The following REDIC1 variants were observed in gnomAD, a reference collection of about 807,000 sequenced individuals.
The protein encoded by REDIC1 is regulator of DNA class I crossover intermediates 1.
chr12:39,877,001 A>G, the REDIC1 span, among the ~76,000 whole-genome samples: 1 of 152,134 alleles, frequency 6.6e-6, no homozygotes, highest in Non-Finnish European at 1.5e-5. Flanking sequence ...TAGTGCTATA[A>G]ATATATATAT....
chr12:39,887,473 AAAG>A, the REDIC1 span, among the ~76,000 whole-genome samples: 1 of 152,184 alleles, frequency 6.6e-6, no homozygotes, highest in Admixed American at 6.5e-5. Flanking sequence ...GGAATGTAAA[AAAG>A]GGACTTTTCA....
chr12:39,825,272 A>G, the REDIC1 span, among the ~76,000 whole-genome samples: 1 of 152,106 alleles, frequency 6.6e-6, no homozygotes, highest in East Asian at 1.9e-4. Flanking sequence ...ATATATGGAG[A>G]GTCAGGAGGT....
At chr12:39,721,126 A>G in the REDIC1 span, 2 of 1,613,620 alleles carry the variant, frequency 1.2e-6, no homozygotes, top group African/African-American at 2.7e-5. Flanking sequence ...AGATGTTGCC[A>G]TACAGTGTGA....
the REDIC1 span, chr12:39,684,006 C>A: frequency 2.8e-6 from 1 of 357,442 alleles, no homozygotes; most frequent in Non-Finnish European, 3.9e-6. Flanking sequence ...CTTCTCATTG[C>A]CAACATTTAC....
At chr12:39,815,799 T>A in the REDIC1 span, among the ~76,000 whole-genome samples, 4 of 152,320 alleles carry the variant, frequency 2.6e-5, no homozygotes, top group South Asian at 8.3e-4. Flanking sequence ...CAAATAAATG[T>A]TGTTTTAGTT....
At chr12:39,656,320 G>T in the REDIC1 span, among the ~76,000 whole-genome samples, 1 of 152,094 alleles carries the variant, frequency 6.6e-6, no homozygotes. Context: ...TATGATGGTG[G>T]TCCCATAATA....
the REDIC1 span, among the ~76,000 whole-genome samples, chr12:39,900,128 C>T: frequency 0.015 from 2,225 of 148,498 alleles, 62 homozygotes; most frequent in African/African-American, 0.05. Flanking sequence ...AGGCCTTTGA[C>T]CAAATTCAAC....
the REDIC1 span, among the ~76,000 whole-genome samples, chr12:39,740,241 TG>T: frequency 2.6e-5 from 4 of 152,164 alleles, no homozygotes; most frequent in Non-Finnish European, 2.9e-5. Context: ...GCTTTAGAGT[TG>T]GGGGGAGTAG....
chr12:39,754,962 T>TATCA, the REDIC1 span: 9 of 152,268 alleles, frequency 5.9e-5, no homozygotes, highest in South Asian at 1.5e-3. Context: ...ATGCTTTAAC[T>TATCA]ATCATCTAAC....
chr12:39,851,545 G>T, the REDIC1 span, among the ~76,000 whole-genome samples: 1 of 152,124 alleles, frequency 6.6e-6, no homozygotes, highest in African/African-American at 2.4e-5. Context: ...AAAAATGTTT[G>T]GTCTAGGCTA....
chr12:39,883,719 AT>A, the REDIC1 span, among the ~76,000 whole-genome samples: 1 of 152,202 alleles, frequency 6.6e-6, no homozygotes, highest in Non-Finnish European at 1.5e-5. Flanking sequence ...TTCATTCTAT[AT>A]AAAAGCAACA....
chr12:39,853,702 C>A, the REDIC1 span, among the ~76,000 whole-genome samples: 1 of 151,612 alleles, frequency 6.6e-6, no homozygotes, highest in Non-Finnish European at 1.5e-5. Flanking sequence ...TTCCACTTTG[C>A]CAGTATCTGG....
the REDIC1 span, among the ~76,000 whole-genome samples, chr12:39,816,286 G>A: frequency 2.0e-5 from 3 of 152,016 alleles, no homozygotes; most frequent in Admixed American, 2.0e-4. Flanking sequence ...CTGATGGGGT[G>A]AAGGATGAGA....
the REDIC1 span, chr12:39,755,925 C>T: frequency 6.6e-6 from 1 of 151,964 alleles, no homozygotes; most frequent in South Asian, 2.1e-4. Context: ...TACTGGCACA[C>T]AAAAATTTCC....
At chr12:39,701,371 C>A in the REDIC1 span, among the ~76,000 whole-genome samples, 1 of 152,144 alleles carries the variant, frequency 6.6e-6, no homozygotes. Flanking sequence ...GGGATCAATT[C>A]AACAAGAAGA....
At chr12:39,638,931 A>G in the REDIC1 span, among the ~76,000 whole-genome samples, 4 of 152,068 alleles carry the variant, frequency 2.6e-5, no homozygotes, top group Non-Finnish European at 5.9e-5. Flanking sequence ...GCATACATAT[A>G]TGAAGACTAT....
chr12:39,771,479 G>T, the REDIC1 span, among the ~76,000 whole-genome samples: 1 of 152,106 alleles, frequency 6.6e-6, no homozygotes, highest in African/African-American at 2.4e-5. Flanking sequence ...GAAGTCCTCA[G>T]CACAAAACCA....
chr12:39,856,511 GGC>G, the REDIC1 span, among the ~76,000 whole-genome samples: 1 of 152,140 alleles, frequency 6.6e-6, no homozygotes, highest in Admixed American at 6.5e-5. Context: ...TGGGACTACA[GGC>G]GCATGCCACC....
the REDIC1 span, among the ~76,000 whole-genome samples, chr12:39,675,946 C>T: frequency 3.9e-5 from 6 of 152,184 alleles, no homozygotes; most frequent in African/African-American, 9.7e-5. Context: ...AGAATCTGAA[C>T]AGCAGCCCCT....
Sources: gnomAD v4.1 joint callset for allele counts (sites outside exome capture counted in the v4.1 genomes callset) on GRCh38, gnomAD v4.1.1 for gene constraint, MANE v1.5 for transcripts, NCBI Gene and HGNC (gene_info 2026-07-23, HGNC 2026-07-21) for gene names.